KRCC1: variants seen among roughly 807,000 people sequenced by gnomAD.
KRCC1 encodes the protein lysine rich coiled-coil 1.
A neutral mutation model predicts 7.4 loss-of-function variants in KRCC1; 3 were observed. The observed-to-expected ratio is 0.40, with a 90% confidence interval of 0.18 to 1.04. The LOEUF is 1.04. KRCC1 is among the 50% of genes least tolerant of loss of function. The probability of loss-of-function intolerance (pLI) is 0.33; values close to 1 mark genes in which losing one functional copy is unlikely to be tolerated. For missense variants in KRCC1, 277 were observed against 300.9 expected, an observed-to-expected ratio of 0.92 and a Z score of 0.59; for synonymous variants, 102 against 101.6, an observed-to-expected ratio of 1.00 and a Z score of -0.02.
chr2:88,055,096 C>A lies in KRCC1; in HGVS notation c.-291+530G>T, dbSNP rs138306492. The stretch of plus-strand genomic sequence containing the variant: ...CTAGGATAACTCCAAAGTGATCCCC[C>A]CCTAAACCTCATCCCCTCTTCTCTT... On this transcript the variant is annotated intron_variant, in intron 1 of 3. Transcript: ENST00000347055. Among the ~76,000 whole-genome samples the A allele has an allele frequency of 1.7e-3, 260 of 151,658 alleles. 1 individual carries two copies. Among genetic ancestry groups the A allele is most frequent in the Non-Finnish European group, 2.6e-3 (176 of 67,896 alleles).
At chr2:88,051,096 A>T (rs1185988359) in intron 1 of KRCC1, among the ~76,000 whole-genome samples, 18 of 143,414 alleles carry the variant, frequency 1.3e-4, no homozygotes, top group African/African-American at 3.3e-4. Flanking sequence ...GCTAATTTTT[A>T]TTTTTTTTTT....
intron 1 of KRCC1, among the ~76,000 whole-genome samples, chr2:88,039,539 T>G (rs1305373183): frequency 6.6e-6 from 1 of 151,356 alleles, no homozygotes; most frequent in Admixed American, 6.6e-5. Flanking sequence ...ATACAAAAAA[T>G]TAGCCGGGCA....
Position 88,028,015 on chromosome 2 carries a change from G to T in KRCC1, c.549C>A (p.Ser183Arg), listed in dbSNP as rs1672909083. ...EERSKHKRKK[S>R]CEEIDLDKHK... is the part of the protein sequence containing the mutation. ...GTTTGTCTAAGTCAATTTCCTCGCA[G>T]CTTTTTTTTCTCTTATGCTTAGACC... The change falls in exon 4 of 4, where the codon AGC becomes AGA. Residue 183 changes from serine (S) to arginine (R), a missense_variant. Physicochemically the swap from Ser to Arg is moderately radical, Grantham distance 110. Transcript: ENST00000347055. 3 of 1,613,670 alleles carry T rather than the reference G, an allele frequency of 1.9e-6. No homozygotes were observed. The South Asian group carries it at 3.3e-5, about 18-fold the overall frequency.
chr2:88,038,195 T>C (rs1257454095), intron 1 of KRCC1, among the ~76,000 whole-genome samples: 1 of 152,234 alleles, frequency 6.6e-6, no homozygotes, highest in African/African-American at 2.4e-5. Flanking sequence ...GTATTTACTG[T>C]AAGGAAGGAA....
intron 1 of KRCC1, among the ~76,000 whole-genome samples, chr2:88,051,356 G>A (rs758563779): frequency 3.9e-5 from 6 of 152,116 alleles, no homozygotes; most frequent in African/African-American, 9.7e-5. Flanking sequence ...TGGTCCTATC[G>A]GAATTTTGAA....
chr2:88,046,326 T>C (rs1259846331), intron 1 of KRCC1, among the ~76,000 whole-genome samples: 1 of 152,206 alleles, frequency 6.6e-6, no homozygotes, highest in Non-Finnish European at 1.5e-5. Context: ...AATAGAGACA[T>C]AACATATACC....
At chr2:88,051,979 G>C (rs1228248482) in intron 1 of KRCC1, among the ~76,000 whole-genome samples, 1 of 152,204 alleles carries the variant, frequency 6.6e-6, no homozygotes, top group Non-Finnish European at 1.5e-5. Flanking sequence ...GGATATTTGT[G>C]GCATCTCTGG....
At chr2:88,045,475 T>G (rs1350670121) in intron 1 of KRCC1, among the ~76,000 whole-genome samples, 1 of 152,148 alleles carries the variant, frequency 6.6e-6, no homozygotes, top group East Asian at 1.9e-4. Context: ...TGAAAGAGTA[T>G]CTACTGTATG....
At chr2:88,044,792 A>G (rs544264506) in intron 1 of KRCC1, among the ~76,000 whole-genome samples, 1 of 152,300 alleles carries the variant, frequency 6.6e-6, no homozygotes, top group East Asian at 1.9e-4. Context: ...AAGATGTTAA[A>G]TAACTAGAAC....
At chr2:88,053,931 A>C (rs1021340476) in intron 1 of KRCC1, among the ~76,000 whole-genome samples, 13 of 152,194 alleles carry the variant, frequency 8.5e-5, no homozygotes, top group African/African-American at 3.1e-4. Flanking sequence ...AAAGCAACAT[A>C]AGGCAACACA....
Position 88,028,332 on chromosome 2 carries a change from G to C in KRCC1, c.232C>G (p.Pro78Ala), listed in dbSNP as rs763361110. 3 of 1,614,168 alleles carry C rather than the reference G, an allele frequency of 1.9e-6. 1 individual carries two copies. The highest frequency in any genetic ancestry group is 2.2e-5 in the South Asian group (2 of 91,086). ...IQTYPRSCNI[P>A]QTVENRLPQW... Reference sequence around the variant, plus strand: ...GGCAACCGATTTTCCACTGTTTGTGGAATATTGCATGATCTTGGGTAGGTC... The same window carrying C: ...GGCAACCGATTTTCCACTGTTTGTGCAATATTGCATGATCTTGGGTAGGTC... Residue 78 changes from proline to alanine, a missense_variant, in exon 4 of 4, where the codon CCA becomes GCA. Coordinates refer to ENST00000347055, the MANE Select transcript of KRCC1 (RefSeq NM_016618.3).
chr2:88,038,426 A>G (rs2104612705), intron 1 of KRCC1, among the ~76,000 whole-genome samples: 1 of 152,376 alleles, frequency 6.6e-6, no homozygotes, highest in Middle Eastern at 3.4e-3. Context: ...AGAATGCCAC[A>G]TAAGCTATAC....
intron 1 of KRCC1, among the ~76,000 whole-genome samples, chr2:88,049,329 C>T (rs772125541): frequency 4.6e-5 from 7 of 152,134 alleles, no homozygotes; most frequent in Non-Finnish European, 7.4e-5. Context: ...ATCAAACATG[C>T]GCCATTCCTT....
At chr2:88,051,100 T>TA (rs1229569232) in intron 1 of KRCC1, among the ~76,000 whole-genome samples, 2 of 152,018 alleles carry the variant, frequency 1.3e-5, no homozygotes, top group East Asian at 1.9e-4. Context: ...ATTTTTATTT[T>TA]TTTTTTTTGT....
intron 1 of KRCC1, among the ~76,000 whole-genome samples, chr2:88,054,218 A>AT (rs1673561675): frequency 6.6e-6 from 1 of 152,202 alleles, no homozygotes. Flanking sequence ...GTCGACCAAA[A>AT]TTTAACATGG....
chr2:88,039,403 C>G (rs1322220575), intron 1 of KRCC1, among the ~76,000 whole-genome samples: 1 of 152,114 alleles, frequency 6.6e-6, no homozygotes, highest in African/African-American at 2.4e-5. Context: ...AAATGTATCT[C>G]AGGCTGGGTG....
In KRCC1 at chr2:88,048,144, G is replaced by A. The variant is rs138424547; in HGVS notation, c.-291+7482C>T. ...GTTGCGCAGGCTGGGGTGCAGTGGT[G>A]GGATCTCGGCTCACAGCAACCTTCA... On this transcript the variant is annotated intron_variant, in intron 1 of 3. Coordinates refer to ENST00000347055, the MANE Select transcript of KRCC1 (RefSeq NM_016618.3). 3.5e-3 allele frequency among the ~76,000 whole-genome samples: 525 copies of A among 151,270 alleles called. 6 individuals are homozygous for A. The highest frequency in any genetic ancestry group is 0.012 in the African/African-American group (481 of 41,126).
At chr2:88,048,123 C>A (rs1404071261) in intron 1 of KRCC1, among the ~76,000 whole-genome samples, 2 of 143,530 alleles carry the variant, frequency 1.4e-5, no homozygotes, top group Non-Finnish European at 3.0e-5. Flanking sequence ...ACTCTTGTTG[C>A]GCAGGCTGGG....
At chr2:88,054,039 C>T (rs1209433735) in intron 1 of KRCC1, among the ~76,000 whole-genome samples, 1 of 152,234 alleles carries the variant, frequency 6.6e-6, no homozygotes, top group East Asian at 1.9e-4. Context: ...ATTCCCAAAA[C>T]TGCTTTAAGC....
Sources: allele counts gnomAD v4.1 joint callset (sites outside exome capture counted in the v4.1 genomes callset), GRCh38; gene constraint gnomAD v4.1.1; transcripts MANE v1.5; gene names NCBI Gene and HGNC (gene_info 2026-07-23, HGNC 2026-07-21).